GRIN2B: variants seen among roughly 807,000 people sequenced by gnomAD.
GRIN2B encodes glutamate receptor ionotropic, NMDA 2B.
GRIN2B carries 5 observed loss-of-function variants against 114.5 expected under a neutral mutation model. The observed-to-expected ratio is 0.04, with a 90% CI of 0.02 to 0.09. The LOEUF is 0.09. Among genes scored for constraint, GRIN2B ranks in the 10% least tolerant of loss-of-function variants. The pLI is 1.00. For synonymous variants in GRIN2B, 787 were observed against 745.1 expected, an observed-to-expected ratio of 1.06 and a Z score of -0.92; for missense variants, 1,108 against 1,943.5, an observed-to-expected ratio of 0.57 and a Z score of 8.08.
At chr12:13,656,782 A>G (rs1210840284) in intron 5 of GRIN2B, among the ~76,000 whole-genome samples, 2 of 152,234 alleles carry the variant, frequency 1.3e-5, no homozygotes, top group Non-Finnish European at 2.9e-5. Context: ...CATAGTCAGA[A>G]CACTGGAAAA....
At chr12:13,916,573 G>A (rs992822290) in intron 2 of GRIN2B, among the ~76,000 whole-genome samples, 3 of 152,044 alleles carry the variant, frequency 2.0e-5, no homozygotes, top group African/African-American at 7.2e-5. Context: ...TATCGGCCAG[G>A]CGTGGTGGCT....
rs1436107993 is a variant in GRIN2B, at chr12:13,615,658, T to C, written c.1335A>G (p.Lys445=). The C allele has an allele frequency of 6.2e-7, 1 of 1,613,202 alleles. No individual in the cohort carries two copies. Among genetic ancestry groups the C allele is most frequent in the Non-Finnish European group, 8.5e-7 (1 of 1,179,194 alleles). ...TGATGTAACCCGGCTCCTCGTCTGT[T>C]TTATTCCTAGCCAATTAAAGAAACA... ...PCQKRIVTEN[K]TDEEPGYIKK... Residue 445 remains lysine, a synonymous_variant, in exon 7 of 14, where the codon AAA becomes AAG. Transcript: ENST00000609686. This position sits in a 1 kb window ranked among gnomAD's most constrained non-coding sequence, Gnocchi z 5.8.
chr12:13,871,503 T>C (rs1865906207), intron 2 of GRIN2B, among the ~76,000 whole-genome samples: 1 of 151,896 alleles, frequency 6.6e-6, no homozygotes, highest in Admixed American at 6.6e-5. Flanking sequence ...AGAGCACAAT[T>C]AAAGCATTTA....
chr12:13,731,473 C>T (rs1863085613), intron 4 of GRIN2B, among the ~76,000 whole-genome samples: 1 of 152,094 alleles, frequency 6.6e-6, no homozygotes, highest in African/African-American at 2.4e-5. Context: ...TGGTGGTGGG[C>T]ACCTGTAGTC....
At chr12:13,628,866 A>T (rs1000769634) in intron 5 of GRIN2B, among the ~76,000 whole-genome samples, 1 of 152,244 alleles carries the variant, frequency 6.6e-6, no homozygotes, top group Non-Finnish European at 1.5e-5. Context: ...TGAAAGTGTG[A>T]TCATCCAGGA....
chr12:13,791,075 A>G (rs1453239331), intron 3 of GRIN2B, among the ~76,000 whole-genome samples: 1 of 152,218 alleles, frequency 6.6e-6, no homozygotes, highest in East Asian at 1.9e-4. Context: ...CACCTAATTC[A>G]GCATAGGTCA....
In GRIN2B at chr12:13,563,159, C is replaced by G; in HGVS notation, c.4079G>C (p.Gly1360Ala). Reference protein sequence around the residue: ...ANNKSSVPTAGHHHHNNPGGG... With the variant: ...ANNKSSVPTAAHHHHNNPGGG... ...GCCGGGGTTGTTGTGGTGGTGATGT[C>G]CGGCAGTGGGCACTGAGGACTTGTT... Residue 1360 changes from glycine to alanine, a missense_variant, in exon 14 of 14, where the codon GGA becomes GCA. Physicochemically the swap from Gly to Ala is moderately conservative, Grantham distance 60. Coordinates refer to ENST00000609686, the MANE Select transcript of GRIN2B (RefSeq NM_000834.5). The G allele has an allele frequency of 6.2e-7, 1 of 1,614,202 alleles. No homozygotes were observed. Among genetic ancestry groups the G allele is most frequent in the East Asian group, 2.2e-5 (1 of 44,878 alleles).
intron 2 of GRIN2B, among the ~76,000 whole-genome samples, chr12:13,911,114 T>C (rs1591616714): frequency 6.6e-6 from 1 of 152,246 alleles, no homozygotes; most frequent in African/African-American, 2.4e-5. Context: ...GTGAGTCTTA[T>C]CATCTCCTCA....
In GRIN2B at chr12:13,709,089, A is replaced by G. The variant is rs117418175; in HGVS notation, c.1011-33230T>C. ...GAACACATGCCAATTTTTTTCTCCT[A>G]CTTAACACAACTATGAAACCTTGAT... On this transcript the variant is annotated intron_variant, in intron 4 of 13. Coordinates refer to ENST00000609686, the MANE Select transcript of GRIN2B (RefSeq NM_000834.5). Among the ~76,000 whole-genome samples the G allele has an allele frequency of 1.4e-3, 208 of 152,126 alleles. 1 individual carries two copies. Among genetic ancestry groups the G allele is most frequent in the Non-Finnish European group, 2.6e-3 (177 of 67,970 alleles).
intron 2 of GRIN2B, among the ~76,000 whole-genome samples, chr12:13,971,462 G>A (rs1236706233): frequency 6.6e-6 from 1 of 152,144 alleles, no homozygotes; most frequent in Non-Finnish European, 1.5e-5. Flanking sequence ...TACAGTCAGA[G>A]AAGAACGACA....
At chr12:13,910,225 A>G (rs982738263) in intron 2 of GRIN2B, among the ~76,000 whole-genome samples, 2 of 152,178 alleles carry the variant, frequency 1.3e-5, no homozygotes, top group Admixed American at 1.3e-4. Flanking sequence ...ATGGATGAAT[A>G]TGTTGTGTGC....
At chr12:13,626,783 A>C in intron 5 of GRIN2B, among the ~76,000 whole-genome samples, 7 of 137,600 alleles carry the variant, frequency 5.1e-5, no homozygotes, top group African/African-American at 1.1e-4. Flanking sequence ...AGCCATCCCT[A>C]CCTCTCCTTC....
chr12:13,587,956 C>T (rs1415304980), intron 10 of GRIN2B, among the ~76,000 whole-genome samples: 1 of 152,044 alleles, frequency 6.6e-6, no homozygotes, highest in Non-Finnish European at 1.5e-5. Context: ...TGGCAAAAAC[C>T]GCGATTACTT....
At position 13,753,929 on chromosome 12, in the gene GRIN2B, A is replaced by G. The variant is rs879254251; in HGVS notation, c.412-14T>C. ...GGAGGATTCATCCTAGAAAAAGAAC[A>G]GGACAAAAAAAGGAAGAGAGAAAAA... is the stretch of plus-strand genomic sequence containing the variant. On this transcript the variant is annotated splice_polypyrimidine_tract_variant and intron_variant, in intron 3 of 13. Coordinates refer to ENST00000609686, the MANE Select transcript of GRIN2B (RefSeq NM_000834.5). This position sits in a 1 kb window ranked among gnomAD's most constrained non-coding sequence, Gnocchi z 6.2. 5.8e-6 allele frequency: 9 copies of G among 1,550,132 alleles called. No individual in the cohort carries two copies. In the East Asian group the frequency reaches 1.3e-4, roughly 23 times the overall value.
intron 3 of GRIN2B, among the ~76,000 whole-genome samples, chr12:13,757,987 C>T (rs1230395016): frequency 1.3e-5 from 2 of 152,128 alleles, no homozygotes; most frequent in African/African-American, 4.8e-5. Flanking sequence ...TGGTAGTGCC[C>T]CTGGCAATAG....
chr12:13,681,430 T>G (rs557859880), intron 4 of GRIN2B, among the ~76,000 whole-genome samples: 80 of 152,114 alleles, frequency 5.3e-4, no homozygotes, highest in Non-Finnish European at 7.8e-4. Flanking sequence ...ATTTTCCTTC[T>G]CTAGCTATTA....
chr12:13,944,021 A>C (rs1370613479), intron 2 of GRIN2B, among the ~76,000 whole-genome samples: 3 of 152,224 alleles, frequency 2.0e-5, no homozygotes, highest in Non-Finnish European at 2.9e-5. Flanking sequence ...AAATCCCTTT[A>C]TCAATATATC....
intron 3 of GRIN2B, among the ~76,000 whole-genome samples, chr12:13,852,668 T>A (rs1865588350): frequency 1.5e-5 from 2 of 137,284 alleles, no homozygotes. Flanking sequence ...GGTGGAAGAG[T>A]ATTAACCACA....
chr12:13,616,777 T>C (rs1409515673), intron 5 of GRIN2B, 120 bp from the exon 6 acceptor site: 8 of 777,928 alleles, frequency 1.0e-5, no homozygotes, highest in African/African-American at 1.7e-5. Context: ...AGTGCCAACA[T>C]TGTACATACT....
Sources: allele counts gnomAD v4.1 joint callset (sites outside exome capture counted in the v4.1 genomes callset), GRCh38; gene constraint gnomAD v4.1.1; non-coding constraint Gnocchi (gnomAD v3.1); transcripts MANE v1.5; gene names NCBI Gene and HGNC (gene_info 2026-07-23, HGNC 2026-07-21).